MESD: variants seen among roughly 807,000 people sequenced by gnomAD.
MESD encodes the protein LRP chaperone MESD.
MESD carries 7 observed loss-of-function variants against 12.9 expected under a neutral mutation model. That is an observed-to-expected ratio of 0.54 (90% CI 0.31 to 1.02). The LOEUF (loss-of-function observed/expected upper bound fraction) is 1.02. Ranked by LOEUF, MESD falls within the 50% of genes least tolerant of loss-of-function variation. MESD has a pLI of 0.05. For synonymous variants in MESD, 126 were observed against 115.6 expected (o/e 1.09, Z -0.58); for missense variants, 342 against 296.7 (o/e 1.15, Z -1.12).
chr15:80,948,149 T>C (rs1236277425), exon 5 of MESD: 2 of 158,020 alleles, frequency 1.3e-5, no homozygotes, highest in African/African-American at 4.8e-5. Flanking sequence ...CTAAGTTGAA[T>C]GGCACTTTCC....
intron 3 of MESD, among the ~76,000 whole-genome samples, chr15:80,960,248 C>T (rs1902061375): frequency 6.6e-6 from 1 of 151,950 alleles, no homozygotes; most frequent in Non-Finnish European, 1.5e-5. Flanking sequence ...ACCTGTAGTG[C>T]CAGCTACTCA....
chr15:80,960,822 G>A (rs1239314627), intron 3 of MESD, among the ~76,000 whole-genome samples: 1 of 152,162 alleles, frequency 6.6e-6, no homozygotes, highest in East Asian at 1.9e-4. Flanking sequence ...TCTCTGCCCT[G>A]TTTAAGGCCC....
intron 1 of MESD, among the ~76,000 whole-genome samples, chr15:80,983,150 C>T (rs1291749009): frequency 6.6e-6 from 1 of 151,068 alleles, no homozygotes; most frequent in Non-Finnish European, 1.5e-5. Context: ...GGCTGAGACA[C>T]GAGGATCACT....
exon 4 of MESD, chr15:80,952,181 C>T (rs571401011): frequency 2.0e-5 from 9 of 456,206 alleles, no homozygotes; most frequent in African/African-American, 1.2e-4. Flanking sequence ...AGGCCAAACA[C>T]GTTTGACAAG....
chr15:80,979,069 G>A lies in MESD; in HGVS notation c.*150C>T, dbSNP rs1902499367. On this transcript the variant is annotated 3_prime_UTR_variant, in exon 3 of 3. Transcript: ENST00000261758. Reference sequence around the variant, plus strand: ...GAAGCCTATTAAGCAGTAATTCTTTGACCACAAACTGGTCATGTGGCAGAC... The same window carrying A: ...GAAGCCTATTAAGCAGTAATTCTTTAACCACAAACTGGTCATGTGGCAGAC... The A allele has an allele frequency of 9.4e-7, 1 of 1,059,692 alleles. No homozygotes were observed. Among genetic ancestry groups the A allele is most frequent in the Admixed American group, 2.4e-5 (1 of 42,008 alleles). The allele number at this position is 1,059,692 out of a possible 1,614,324, so 65.6% of individuals were successfully genotyped here.
chr15:80,979,472 A>G lies in MESD; in HGVS notation c.452T>C (p.Ile151Thr), dbSNP rs751463073. The G allele has an allele frequency of 2.5e-6, 4 of 1,613,896 alleles. No homozygotes were observed. The highest frequency in any genetic ancestry group is 1.1e-5 in the South Asian group (1 of 91,068). The change falls in exon 3 of 3, where the codon ATT becomes ACT. Residue 151 changes from isoleucine to threonine, a missense_variant. Physicochemically the swap from Ile to Thr is moderately conservative, Grantham distance 89 (BLOSUM62 -1). Coordinates refer to ENST00000261758, the MANE Select transcript of MESD (RefSeq NM_015154.3). ...GAAGATAGCACGGTCTGATCCCACA[A>G]TGAACCTTGGGCAGAGAGATGCAAT... The part of the protein sequence containing the change: ...FNANYDVQRF[I>T]VGSDRAIFML...
At chr15:80,957,556 C>A (rs1056325622) in intron 3 of MESD, among the ~76,000 whole-genome samples, 6 of 152,128 alleles carry the variant, frequency 3.9e-5, no homozygotes, top group Non-Finnish European at 7.4e-5. Flanking sequence ...CTTGCTTAGG[C>A]TCCCATGATT....
Position 80,948,811 on chromosome 15 carries a change from G to A in MESD, c.*714C>T, listed in dbSNP as rs368272610. The A allele has an allele frequency of 2.0e-5, 33 of 1,614,084 alleles. No homozygotes were observed. The East Asian group carries it at 2.7e-4, about 13-fold the overall frequency. On this transcript the variant is annotated 3_prime_UTR_variant, in exon 5 of 5. Coordinates refer to the MESD transcript ENST00000561312. ...TTGCTTTTCAGAGCAAATGGCATTC[G>A]TTGGCTTCAAAGGCAGCTTCCGGCC...
At chr15:80,948,191 A>G (rs1451739005) in exon 5 of MESD, 1 of 159,272 alleles carries the variant, frequency 6.3e-6, no homozygotes, top group Non-Finnish European at 1.4e-5. Context: ...GCCTGCCAAG[A>G]TGGGCTGAGT....
chr15:80,964,006 G>A (rs936119314), intron 3 of MESD, among the ~76,000 whole-genome samples: 1 of 152,116 alleles, frequency 6.6e-6, no homozygotes, highest in African/African-American at 2.4e-5. Flanking sequence ...AGAAAGAAAG[G>A]GTATTCAATT....
At chr15:80,958,561 G>A (rs771489121) in intron 3 of MESD, among the ~76,000 whole-genome samples, 3 of 152,108 alleles carry the variant, frequency 2.0e-5, no homozygotes, top group Non-Finnish European at 2.9e-5. Context: ...TCGAACTCCC[G>A]AGCTCAGGTG....
intron 3 of MESD, chr15:80,952,359 C>T (rs935501995): frequency 5.4e-5 from 18 of 334,892 alleles, no homozygotes. Flanking sequence ...TCCAGAACTG[C>T]CAGTCCAGGA....
At chr15:80,985,124 G>A (rs1359696234) in intron 1 of MESD, among the ~76,000 whole-genome samples, 1 of 152,168 alleles carries the variant, frequency 6.6e-6, no homozygotes, top group Non-Finnish European at 1.5e-5. Context: ...CCTCTCAACT[G>A]ACATGTTTCT....
rs1049091074 is a variant in MESD, at chr15:80,979,166, C to T, written c.*53G>A. On this transcript the variant is annotated 3_prime_UTR_variant, in exon 3 of 3. Coordinates refer to ENST00000261758, the MANE Select transcript of MESD (RefSeq NM_015154.3). ...GACCACTCCCACCCCAGGAGCTGGGCAAAGAGCTCTCCACGTCCACCTGTC... is the reference window on the plus strand; with the variant it reads ...GACCACTCCCACCCCAGGAGCTGGGTAAAGAGCTCTCCACGTCCACCTGTC... 2 of 1,572,052 alleles carry T rather than the reference C, an allele frequency of 1.3e-6. No individual in the cohort carries two copies. The highest frequency in any genetic ancestry group is 2.7e-5 in the African/African-American group (2 of 73,722).
rs1007231773 is a variant in MESD, at chr15:80,978,934, G to C, written c.*285C>G. The C allele has an allele frequency of 1.5e-5, 7 of 460,110 alleles. No individual in the cohort carries two copies. Among genetic ancestry groups the C allele is most frequent in the African/African-American group, 9.8e-5 (5 of 51,116 alleles). The allele number at this position is 460,110 out of a possible 1,614,324, so 28.5% of individuals were successfully genotyped here. A position where few individuals can be genotyped will look rare whatever the true frequency, so the allele number is the denominator to read the frequency against. On this transcript the variant is annotated 3_prime_UTR_variant, in exon 3 of 3. Coordinates refer to ENST00000261758, the MANE Select transcript of MESD (RefSeq NM_015154.3). The stretch of plus-strand genomic sequence containing the variant: ...CTCAGTAGAGTTGATGACTCACCAA[G>C]TGTAAATGGGAAAAAGCAACACAGT...
downstream of MESD, among the ~76,000 whole-genome samples, chr15:80,972,224 T>C (rs1902303407): frequency 1.3e-5 from 2 of 152,164 alleles, no homozygotes; most frequent in African/African-American, 2.4e-5. Flanking sequence ...CTCATAGGAA[T>C]ACAGAGCTCT....
intron 3 of MESD, among the ~76,000 whole-genome samples, chr15:80,958,879 C>T (rs1232683248): frequency 6.6e-6 from 1 of 152,128 alleles, no homozygotes; most frequent in African/African-American, 2.4e-5. Flanking sequence ...AGGAAAAGCC[C>T]CTAGAGTAGC....
chr15:80,955,329 C>CA (rs796808569), intron 3 of MESD, among the ~76,000 whole-genome samples: 1,865 of 126,532 alleles, frequency 0.015, 40 homozygotes, highest in African/African-American at 0.045. Context: ...ACTAAAAATA[C>CA]AAAAAAAAAA....
At chr15:80,974,664 C>A (rs1596232222), downstream of MESD, among the ~76,000 whole-genome samples, 3 of 141,172 alleles carry the variant, frequency 2.1e-5, no homozygotes, top group Non-Finnish European at 3.1e-5. Context: ...TAAATTTTTC[C>A]AAAATAATGG....
Sources: gnomAD v4.1 joint callset for allele counts (sites outside exome capture counted in the v4.1 genomes callset) on GRCh38, gnomAD v4.1.1 for gene constraint, MANE v1.5 for transcripts, NCBI Gene and HGNC (gene_info 2026-07-23, HGNC 2026-07-21) for gene names.